Variants in AK5 observed in about 807,000 individuals in gnomAD.
AK5 encodes the protein adenylate kinase isoenzyme 5.
AK5 carries 27 observed loss-of-function variants against 69.5 expected under a neutral mutation model. That is an observed-to-expected ratio of 0.39 (90% CI 0.29 to 0.54). AK5 has a LOEUF of 0.54. Among genes scored for constraint, AK5 ranks in the 20% least tolerant of loss-of-function variants. The pLI is 0.71. For missense variants in AK5, 531 were observed against 700.4 expected, an observed-to-expected ratio of 0.76 and a Z score of 2.73; for synonymous variants, 260 against 244.4, an observed-to-expected ratio of 1.06 and a Z score of -0.60.
At chr1:77,353,492 A>C (rs1316767315) in intron 6 of AK5, among the ~76,000 whole-genome samples, 2 of 152,140 alleles carry the variant, frequency 1.3e-5, no homozygotes, top group Non-Finnish European at 2.9e-5. Context: ...AAAGAAAAAA[A>C]ATTATTTAGT....
intron 8 of AK5, 54 bp downstream of exon 8, chr1:77,417,769 TG>T: frequency 9.0e-7 from 1 of 1,114,856 alleles, no homozygotes; most frequent in Non-Finnish European, 1.3e-6. Flanking sequence ...GTTGAACCTT[TG>T]TAAATGTTTT....
intron 10 of AK5, among the ~76,000 whole-genome samples, chr1:77,514,393 AATT>A (rs1207945422): frequency 1.3e-5 from 2 of 152,206 alleles, no homozygotes; most frequent in Non-Finnish European, 2.9e-5. Context: ...CCGGGTAACA[AATT>A]ATCCTGGAGG....
At chr1:77,406,753 T>A (rs1350111365) in intron 6 of AK5, among the ~76,000 whole-genome samples, 1 of 145,348 alleles carries the variant, frequency 6.9e-6, no homozygotes. Context: ...TACCTGGTGC[T>A]CACACCAGGC....
intron 1 of AK5, among the ~76,000 whole-genome samples, chr1:77,284,074 A>G (rs1355787829): frequency 6.6e-6 from 1 of 152,212 alleles, no homozygotes; most frequent in African/African-American, 2.4e-5. Flanking sequence ...CTGCATATGA[A>G]TGGGATAAAT....
At chr1:77,374,967 C>G (rs1359285670) in intron 6 of AK5, among the ~76,000 whole-genome samples, 2 of 152,088 alleles carry the variant, frequency 1.3e-5, no homozygotes, top group Non-Finnish European at 2.9e-5. Flanking sequence ...TGACACGGGC[C>G]TATGTACCCT....
chr1:77,324,676 G>A (rs1340970235), intron 5 of AK5, among the ~76,000 whole-genome samples: 1 of 148,282 alleles, frequency 6.7e-6, no homozygotes, highest in Non-Finnish European at 1.5e-5. Flanking sequence ...AATCTACCAA[G>A]ACATTTATTA....
At chr1:77,368,249 A>T (rs1186585299) in intron 6 of AK5, among the ~76,000 whole-genome samples, 1 of 88,036 alleles carries the variant, frequency 1.1e-5, no homozygotes, top group Middle Eastern at 4.5e-3. Context: ...ATATATATAT[A>T]TATAATATAT....
rs150639707 is a variant in AK5 at position 77,296,145 on chromosome 1, A to G, written c.416-1414A>G. Among the ~76,000 whole-genome samples the G allele has an allele frequency of 6.0e-3, 917 of 152,252 alleles. 12 individuals carry two copies. The highest frequency in any genetic ancestry group is 0.021 in the African/African-American group (872 of 41,558). The stretch of plus-strand genomic sequence containing the variant: ...TAAAATAATTGTACCTGAACCTTAC[A>G]AATTTGTATTAGTTCCAACCTAAAA... On this transcript the variant is annotated intron_variant, in intron 3 of 13. Coordinates refer to ENST00000354567, the MANE Select transcript of AK5 (RefSeq NM_174858.3).
chr1:77,429,702 G>A (rs919810589), intron 8 of AK5, among the ~76,000 whole-genome samples: 22 of 152,138 alleles, frequency 1.4e-4, no homozygotes, highest in East Asian at 5.8e-4. Flanking sequence ...CTCGTGATCC[G>A]CCCGCCTCGG....
intron 8 of AK5, among the ~76,000 whole-genome samples, chr1:77,470,959 C>A (rs1654471780): frequency 1.4e-5 from 2 of 143,810 alleles, no homozygotes; most frequent in Admixed American, 1.4e-4. Context: ...TGGCTCACTG[C>A]AACCTCTGCC....
intron 6 of AK5, among the ~76,000 whole-genome samples, chr1:77,341,314 TG>T (rs1324668625): frequency 2.0e-5 from 3 of 152,144 alleles, no homozygotes; most frequent in Non-Finnish European, 4.4e-5. Flanking sequence ...AAGAGGATAA[TG>T]GGTCATCTGA....
At chr1:77,381,102 T>C (rs1647600420) in intron 6 of AK5, among the ~76,000 whole-genome samples, 1 of 152,200 alleles carries the variant, frequency 6.6e-6, no homozygotes, top group African/African-American at 2.4e-5. Flanking sequence ...CCCCCCCGAA[T>C]TTGTACATTG....
chr1:77,510,792 T>G (rs2100289915), intron 10 of AK5, among the ~76,000 whole-genome samples: 1 of 152,134 alleles, frequency 6.6e-6, no homozygotes, highest in South Asian at 2.1e-4. Flanking sequence ...TTGTGCACCA[T>G]GACGAGCAAA....
chr1:77,302,293 C>T (rs1295827126), intron 5 of AK5, among the ~76,000 whole-genome samples: 1 of 152,088 alleles, frequency 6.6e-6, no homozygotes, highest in Non-Finnish European at 1.5e-5. Context: ...TGGTAGATTT[C>T]CTCTCAAAAA....
chr1:77,463,632 G>A (rs1570181679), intron 8 of AK5, among the ~76,000 whole-genome samples: 1 of 151,274 alleles, frequency 6.6e-6, no homozygotes, highest in East Asian at 1.9e-4. Context: ...ATCCAAGAAA[G>A]AATGCATCTG....
At chr1:77,455,133 T>C (rs1200895603) in intron 8 of AK5, among the ~76,000 whole-genome samples, 2 of 152,192 alleles carry the variant, frequency 1.3e-5, no homozygotes, top group African/African-American at 4.8e-5. Flanking sequence ...ACTGAGACTC[T>C]GAGTGTGAAA....
At chr1:77,526,658 G>A (rs1157556555) in intron 12 of AK5, among the ~76,000 whole-genome samples, 1 of 151,386 alleles carries the variant, frequency 6.6e-6, no homozygotes, top group East Asian at 1.9e-4. Context: ...TGTATTTTTA[G>A]TAGAGATGGG....
At chr1:77,367,780 A>ATATAT (rs1647009134) in intron 6 of AK5, among the ~76,000 whole-genome samples, 2 of 5,024 alleles carry the variant, frequency 4.0e-4, no homozygotes, top group African/African-American at 5.1e-4. Flanking sequence ...GTTATATATA[A>ATATAT]TATATGTTAT....
At chr1:77,443,941 C>T (rs1238066542) in intron 8 of AK5, among the ~76,000 whole-genome samples, 1 of 151,048 alleles carries the variant, frequency 6.6e-6, no homozygotes, top group East Asian at 1.9e-4. Flanking sequence ...ACCCACCCAC[C>T]CAAGACATGA....
Sources: allele counts gnomAD v4.1 joint callset (sites outside exome capture counted in the v4.1 genomes callset), GRCh38; gene constraint gnomAD v4.1.1; transcripts MANE v1.5; gene names NCBI Gene and HGNC (gene_info 2026-07-23, HGNC 2026-07-21).